Variants in ZFHX3 observed in about 807,000 individuals in gnomAD.
ZFHX3 encodes the protein zinc finger homeobox protein 3.
A neutral mutation model predicts 279.1 loss-of-function variants in ZFHX3; 42 were observed. That is an observed-to-expected ratio of 0.15 (90% confidence interval 0.12 to 0.19). The LOEUF (loss-of-function observed/expected upper bound fraction) is 0.19, where lower values mean the gene tolerates loss of function less well. Ranked by LOEUF, ZFHX3 falls within the 10% of genes least tolerant of loss-of-function variation. The pLI is 1.00. For missense variants in ZFHX3, 4,981 were observed against 4,754.0 expected (o/e 1.05, Z -1.40); for synonymous variants, 2,293 against 1,957.8 (o/e 1.17, Z -4.52).
chr16:72,819,773 C>T (rs2036732257), intron 5 of ZFHX3, among the ~76,000 whole-genome samples: 1 of 152,178 alleles, frequency 6.6e-6, no homozygotes, highest in Admixed American at 6.5e-5. Flanking sequence ...TTAAAACACC[C>T]TCAGGCCACC....
chr16:73,804,267 C>T (rs1160828222), intron 1 of ZFHX3, among the ~76,000 whole-genome samples: 1 of 152,158 alleles, frequency 6.6e-6, no homozygotes, highest in Non-Finnish European at 1.5e-5. Flanking sequence ...TATATTATTT[C>T]GCTTGCTACA....
intron 1 of ZFHX3, among the ~76,000 whole-genome samples, chr16:73,731,497 T>A (rs1232162964): frequency 6.7e-6 from 1 of 149,746 alleles, no homozygotes; most frequent in African/African-American, 2.5e-5. Flanking sequence ...ACAAAGAAAA[T>A]CTCTAATTTA....
At chr16:73,649,192 A>C (rs563115262) in intron 2 of ZFHX3, among the ~76,000 whole-genome samples, 2 of 152,236 alleles carry the variant, frequency 1.3e-5, no homozygotes, top group South Asian at 4.1e-4. Context: ...GCAAGTAATG[A>C]GTTACTGCAT....
At chr16:73,445,362 T>C (rs1412589276) in intron 3 of ZFHX3, among the ~76,000 whole-genome samples, 1 of 151,648 alleles carries the variant, frequency 6.6e-6, no homozygotes, top group African/African-American at 2.4e-5. Flanking sequence ...TTTTCCCAGT[T>C]TTATTGACCA....
chr16:73,038,008 A>C (rs994997028), intron 1 of ZFHX3, among the ~76,000 whole-genome samples: 1 of 152,200 alleles, frequency 6.6e-6, no homozygotes, highest in Non-Finnish European at 1.5e-5. Context: ...AGCCCAGTCA[A>C]ACACACACAT....
intron 5 of ZFHX3, among the ~76,000 whole-genome samples, chr16:73,253,620 T>A (rs1172629046): frequency 6.7e-5 from 1 of 14,982 alleles, no homozygotes; most frequent in African/African-American, 1.0e-3. Flanking sequence ...CCCGGCTAAT[T>A]TTTTTTTTGT....
At chr16:73,445,097 T>C (rs1170656360) in intron 3 of ZFHX3, among the ~76,000 whole-genome samples, 2 of 151,918 alleles carry the variant, frequency 1.3e-5, no homozygotes, top group Admixed American at 6.6e-5. Flanking sequence ...ATTGCGCCAT[T>C]GCACTTCAGC....
chr16:72,817,274 C>T (rs999449712), intron 5 of ZFHX3, among the ~76,000 whole-genome samples: 1 of 152,116 alleles, frequency 6.6e-6, no homozygotes. Context: ...ATTCGACATC[C>T]GAATCACTGA....
intron 7 of ZFHX3, among the ~76,000 whole-genome samples, chr16:73,101,970 C>T (rs1173628533): frequency 1.4e-5 from 2 of 147,196 alleles, no homozygotes; most frequent in Non-Finnish European, 3.0e-5. Context: ...CTGGCGTGCA[C>T]TGGCGCCATC....
intron 7 of ZFHX3, among the ~76,000 whole-genome samples, chr16:73,094,179 G>A (rs1011619364): frequency 6.6e-6 from 1 of 152,140 alleles, no homozygotes; most frequent in Admixed American, 6.5e-5. Flanking sequence ...TCTTTCTCCA[G>A]CAGCATTCTT....
At chr16:73,298,048 A>G (rs2014959205) in intron 4 of ZFHX3, among the ~76,000 whole-genome samples, 1 of 151,584 alleles carries the variant, frequency 6.6e-6, no homozygotes, top group South Asian at 2.1e-4. Flanking sequence ...ACAATTAGCC[A>G]GGCATGGTGG....
At chr16:73,097,301 C>T (rs1966177838) in intron 7 of ZFHX3, among the ~76,000 whole-genome samples, 2 of 143,482 alleles carry the variant, frequency 1.4e-5, no homozygotes. Flanking sequence ...CTCCTGTTCT[C>T]AAGCAATCCT....
chr16:73,153,852 G>T (rs1489010646), intron 5 of ZFHX3, among the ~76,000 whole-genome samples: 1 of 151,906 alleles, frequency 6.6e-6, no homozygotes, highest in African/African-American at 2.4e-5. Flanking sequence ...GTTTCACCAT[G>T]TTGGCCAGGA....
intron 5 of ZFHX3, among the ~76,000 whole-genome samples, chr16:73,183,035 T>C (rs1023577590): frequency 1.3e-5 from 2 of 152,068 alleles, no homozygotes; most frequent in African/African-American, 4.8e-5. Context: ...TGAAACCCCA[T>C]CTCTACTAAA....
At chr16:73,804,974 G>C (rs1407708279) in intron 1 of ZFHX3, among the ~76,000 whole-genome samples, 1 of 147,244 alleles carries the variant, frequency 6.8e-6, no homozygotes, top group Non-Finnish European at 1.5e-5. Context: ...GAGGGAGGGA[G>C]AGAGAGAGAG....
intron 3 of ZFHX3, among the ~76,000 whole-genome samples, chr16:72,947,409 C>T (rs1300020166): frequency 1.3e-5 from 2 of 152,220 alleles, no homozygotes; most frequent in Non-Finnish European, 2.9e-5. Context: ...AGAAAGTTCA[C>T]TCTTACAGCA....
intron 5 of ZFHX3, among the ~76,000 whole-genome samples, chr16:73,217,459 T>TA (rs1771491904): frequency 6.6e-6 from 1 of 152,128 alleles, no homozygotes; most frequent in Non-Finnish European, 1.5e-5. Context: ...TGTTTTGTTT[T>TA]AAAAAGGGCA....
At chr16:73,664,959 A>G (rs1413923800) in intron 2 of ZFHX3, among the ~76,000 whole-genome samples, 1 of 152,212 alleles carries the variant, frequency 6.6e-6, no homozygotes, top group Non-Finnish European at 1.5e-5. Flanking sequence ...TCAGCAGCAC[A>G]GTCATGGTCC....
intron 1 of ZFHX3, among the ~76,000 whole-genome samples, chr16:73,770,647 A>G (rs2054007160): frequency 6.6e-6 from 1 of 152,242 alleles, no homozygotes. Flanking sequence ...CTGGAACAAG[A>G]TAGTAGACAT....
Sources: allele counts gnomAD v4.1 joint callset (sites outside exome capture counted in the v4.1 genomes callset), GRCh38; gene constraint gnomAD v4.1.1; transcripts MANE v1.5; gene names NCBI Gene and HGNC (gene_info 2026-07-23, HGNC 2026-07-21).